The following FMO1 variants were observed in gnomAD, a reference collection of about 807,000 sequenced individuals.
The protein encoded by FMO1 is flavin-containing monooxygenase 1.
FMO1 carries 36 observed loss-of-function variants against 45.4 expected under a neutral mutation model. The ratio of observed to expected loss-of-function variants is 0.79; its 90% CI spans 0.61 to 1.05. The LOEUF (loss-of-function observed/expected upper bound fraction) is 1.05. FMO1 is among the 50% of genes least tolerant of loss of function. The pLI, the probability that FMO1 is intolerant of heterozygous loss-of-function variation, is 0.00. For synonymous variants in FMO1, 228 were observed against 227.2 expected (o/e 1.00, Z -0.03); for missense variants, 615 against 640.3 (o/e 0.96, Z 0.43).
At chr1:171,269,544 T>A (rs932174390) in intron 3 of FMO1, among the ~76,000 whole-genome samples, 9 of 152,162 alleles carry the variant, frequency 5.9e-5, no homozygotes, top group African/African-American at 2.2e-4. Context: ...CAAATGCAAA[T>A]GGAAAGAATC....
rs1003427066 is a variant in FMO1 at position 171,282,191 on chromosome 1, T to A, written c.1041T>A (p.Asp347Glu). The A allele has an allele frequency of 7.4e-6, 12 of 1,613,942 alleles. No individual in the cohort carries two copies. Among genetic ancestry groups the A allele is most frequent in the African/African-American group, 1.3e-5 (1 of 74,922 alleles). The change falls in exon 7 of 9, where the codon GAT (aspartate) becomes GAA (glutamate). Residue 347 changes from aspartate to glutamate, a missense_variant. Physicochemically the swap from Asp to Glu is conservative, Grantham distance 45 (BLOSUM62 2). Transcript: ENST00000617670. ...FLDESVVKVE[D>E]GQASLYKYIF... ...ATGAGTCTGTAGTGAAAGTTGAAGATGGCCAGGCCTCACTGTACAAGTATA... is the reference window on the plus strand; with the variant it reads ...ATGAGTCTGTAGTGAAAGTTGAAGAAGGCCAGGCCTCACTGTACAAGTATA...
At chr1:171,253,750 A>G (rs1185812687) in intron 1 of FMO1, among the ~76,000 whole-genome samples, 2 of 152,096 alleles carry the variant, frequency 1.3e-5, no homozygotes, top group Non-Finnish European at 2.9e-5. Context: ...AACAACAGTG[A>G]AACTCCATCT....
At chr1:171,280,033 TCA>T (rs773505237) in intron 5 of FMO1, among the ~76,000 whole-genome samples, 3 of 152,192 alleles carry the variant, frequency 2.0e-5, no homozygotes, top group Non-Finnish European at 2.9e-5. Context: ...TTTGCACCCC[TCA>T]GTTTTCACTT....
chr1:171,266,603 A>G (rs13376631), intron 2 of FMO1, among the ~76,000 whole-genome samples: 31,862 of 152,160 alleles, frequency 0.21, 4,793 homozygotes, highest in African/African-American at 0.42. Context: ...AGACAGATAC[A>G]GGAATCTATA....
chr1:171,268,975 C>T (rs1019574779), intron 3 of FMO1, among the ~76,000 whole-genome samples: 16 of 152,106 alleles, frequency 1.1e-4, no homozygotes, highest in Admixed American at 5.2e-4. Flanking sequence ...TTTTATAAGG[C>T]GGAGCTTCCC....
chr1:171,257,902 C>T, intron 1 of FMO1, 180 bp from the exon 2 acceptor site: 1 of 634,900 alleles, frequency 1.6e-6, no homozygotes, highest in Non-Finnish European at 2.7e-6. Context: ...ATACCAAGCA[C>T]AGGGTTAACC....
intron 1 of FMO1, among the ~76,000 whole-genome samples, chr1:171,256,440 C>T (rs1660163326): frequency 6.6e-6 from 1 of 152,000 alleles, no homozygotes; most frequent in Non-Finnish European, 1.5e-5. Context: ...TCACAACTGC[C>T]TCTCTAAATG....
At position 171,282,232 on chromosome 1, in the gene FMO1, T is replaced by C. The variant is rs1425234479; in HGVS notation, c.1082T>C (p.Leu361Pro). Reference protein sequence around the residue: ...SLYKYIFPAHLQKPTLAIIGL... With the variant: ...SLYKYIFPAHPQKPTLAIIGL... The stretch of plus-strand genomic sequence containing the variant: ...TACAAGTATATCTTCCCTGCACATC[T>C]GCAAAAGCCAACCCTGGCCATTATT... The change falls in exon 7 of 9, where the codon CTG becomes CCG. Residue 361 changes from leucine (L) to proline (P), a missense_variant. Leu to Pro is a moderately conservative substitution (Grantham distance 98). Coordinates refer to ENST00000617670, the MANE Select transcript of FMO1 (RefSeq NM_001282693.2). 3.7e-6 allele frequency: 6 copies of C among 1,614,032 alleles called. No individual in the cohort carries two copies. The Middle Eastern group carries it at 6.6e-4, about 178-fold the overall frequency.
Position 171,285,616 on chromosome 1 carries a change from T to C in FMO1, c.*72T>C. On this transcript the variant is annotated 3_prime_UTR_variant, in exon 9 of 9. Transcript: ENST00000617670. ...CTCCAATTCCTCTCTTACAGCAATA[T>C]TGCCTTCACAGTTATAAACTGTATT... 2.1e-6 allele frequency: 2 copies of C among 958,006 alleles called. No homozygotes were observed. The highest frequency in any genetic ancestry group is 1.7e-5 in the African/African-American group (1 of 60,200). The allele number at this position is 958,006 out of a possible 1,614,324, so 59.3% of individuals were successfully genotyped here. A position where few individuals can be genotyped will look rare whatever the true frequency, so the allele number is the denominator to read the frequency against.
chr1:171,281,925 G>A, intron 6 of FMO1, 53 bp from the exon 7 acceptor site: 1 of 1,049,202 alleles, frequency 9.5e-7, no homozygotes. Context: ...AGAAGGGAGA[G>A]CTGGCTGAAT....
intron 2 of FMO1, among the ~76,000 whole-genome samples, chr1:171,265,485 ATT>A (rs1248525231): frequency 2.6e-5 from 4 of 152,330 alleles, no homozygotes; most frequent in African/African-American, 9.6e-5. Flanking sequence ...TAAATTTGAA[ATT>A]TATAGAGTCA....
At chr1:171,249,014 G>A (rs1375125674) in intron 1 of FMO1, among the ~76,000 whole-genome samples, 1 of 151,398 alleles carries the variant, frequency 6.6e-6, no homozygotes, top group Non-Finnish European at 1.5e-5. Flanking sequence ...AACATTGTCT[G>A]AGATCATAGT....
chr1:171,263,621 G>T (rs1296535027), intron 2 of FMO1, among the ~76,000 whole-genome samples: 1 of 152,074 alleles, frequency 6.6e-6, no homozygotes, highest in Non-Finnish European at 1.5e-5. Flanking sequence ...TCTTTCCATG[G>T]TTCAACCCTC....
At chr1:171,256,908 G>A (rs1272601997) in intron 1 of FMO1, among the ~76,000 whole-genome samples, 3 of 152,138 alleles carry the variant, frequency 2.0e-5, no homozygotes, top group Non-Finnish European at 4.4e-5. Flanking sequence ...TGGGGGAAAA[G>A]CTAACATCAC....
In FMO1 at chr1:171,285,225, C is replaced by G. The variant is rs201065040; in HGVS notation, c.1280C>G (p.Ala427Gly). 1.2e-6 allele frequency: 2 copies of G among 1,608,526 alleles called. No individual in the cohort carries two copies. Among genetic ancestry groups the G allele is most frequent in the Non-Finnish European group, 1.7e-6 (2 of 1,177,466 alleles). ...PSWFGLCYCK[A>G]LQSDYITYID... is the part of the protein sequence containing the mutation. ...AGGTTTGGCTTGTGCTACTGCAAGG[C>G]TTTACAATCAGATTATATCACATAC... Residue 427 changes from alanine (A) to glycine (G), a missense_variant, in exon 9 of 9, where the codon GCT (alanine) becomes GGT (glycine). Transcript: ENST00000617670.
At chr1:171,270,322 C>G (rs1660796196) in intron 3 of FMO1, among the ~76,000 whole-genome samples, 1 of 152,162 alleles carries the variant, frequency 6.6e-6, no homozygotes, top group Admixed American at 6.5e-5. Context: ...AAAACTATCT[C>G]AACTTAACTT....
intron 1 of FMO1, among the ~76,000 whole-genome samples, chr1:171,255,660 C>A (rs945547106): frequency 1.3e-5 from 2 of 152,152 alleles, no homozygotes; most frequent in African/African-American, 4.8e-5. Context: ...ACTAGCCTTT[C>A]TCCAGGCCCC....
At chr1:171,262,268 C>T (rs1350378605) in intron 2 of FMO1, among the ~76,000 whole-genome samples, 1 of 152,076 alleles carries the variant, frequency 6.6e-6, no homozygotes, top group African/African-American at 2.4e-5. Flanking sequence ...AACCCCATCT[C>T]TACTAAAAAT....
chr1:171,269,907 T>G (rs563190320), intron 3 of FMO1, among the ~76,000 whole-genome samples: 2 of 152,224 alleles, frequency 1.3e-5, no homozygotes, highest in Non-Finnish European at 2.9e-5. Context: ...AAAATACTTT[T>G]AATGGAAAGT....
Sources: allele counts gnomAD v4.1 joint callset (sites outside exome capture counted in the v4.1 genomes callset), GRCh38; gene constraint gnomAD v4.1.1; transcripts MANE v1.5; gene names NCBI Gene and HGNC (gene_info 2026-07-23, HGNC 2026-07-21).